The following ATE1 variants were observed in gnomAD, a reference collection of about 807,000 sequenced individuals.
The protein encoded by ATE1 is arginyltransferase 1, also known as arginyl-tRNA--protein transferase 1.
ATE1 carries 36 observed loss-of-function variants against 70.5 expected under a neutral mutation model. The ratio of observed to expected loss-of-function variants is 0.51; its 90% CI spans 0.39 to 0.67. The LOEUF (loss-of-function observed/expected upper bound fraction) is 0.67, where lower values mean the gene tolerates loss of function less well. Ranked by LOEUF, ATE1 falls within the 30% of genes least tolerant of loss-of-function variation. The pLI, the probability that ATE1 is intolerant of heterozygous loss-of-function variation, is 0.00. For missense variants in ATE1, 593 were observed against 629.5 expected, an observed-to-expected ratio of 0.94 and a Z score of 0.62; for synonymous variants, 232 against 219.3, an observed-to-expected ratio of 1.06 and a Z score of -0.51.
chr10:121,747,266 C>G (rs552819833), intron 11 of ATE1, among the ~76,000 whole-genome samples: 1 of 152,318 alleles, frequency 6.6e-6, no homozygotes, highest in African/African-American at 2.4e-5. Context: ...AGAGAAGGAA[C>G]TTCTCAATAT....
intron 10 of ATE1, among the ~76,000 whole-genome samples, chr10:121,831,022 A>G (rs1948214494): frequency 6.6e-6 from 1 of 152,186 alleles, no homozygotes; most frequent in South Asian, 2.1e-4. Flanking sequence ...GGACTTGGGA[A>G]TGAAACACTA....
In ATE1 at chr10:121,808,504, G is replaced by A. The variant is rs145979575; in HGVS notation, c.1258-18215C>T. Reference sequence around the variant, plus strand: ...GTGATTTAACTCTTCAGTGGCAACCGTGGAAGCATCTGAGCACACATTCTC... The same window carrying A: ...GTGATTTAACTCTTCAGTGGCAACCATGGAAGCATCTGAGCACACATTCTC... On this transcript the variant is annotated intron_variant, in intron 10 of 11. Coordinates refer to ENST00000224652, the MANE Select transcript of ATE1 (RefSeq NM_001001976.3). Among the ~76,000 whole-genome samples the A allele has an allele frequency of 2.6e-5, 4 of 152,302 alleles. No homozygotes were observed. In the East Asian group the frequency reaches 5.8e-4, roughly 22 times the overall value.
intron 8 of ATE1, among the ~76,000 whole-genome samples, chr10:121,857,478 A>T (rs1253549978): frequency 6.6e-6 from 1 of 152,156 alleles, no homozygotes; most frequent in Non-Finnish European, 1.5e-5. Context: ...CATGGTGTAT[A>T]TGTACTACAT....
rs199974954 is a variant in ATE1, at chr10:121,869,995, G to C, written c.975+11C>G. On this transcript the variant is annotated intron_variant, in intron 8 of 11. Transcript: ENST00000224652. ...CCAATTCTAATATTAAGGTCAGTGA[G>C]TAACTCTTACCTCCAAGGGTGAACT... is the stretch of plus-strand genomic sequence containing the variant. 2 of 1,600,418 alleles carry C rather than the reference G, an allele frequency of 1.2e-6. No individual in the cohort carries two copies. The highest frequency in any genetic ancestry group is 2.2e-5 in the East Asian group (1 of 44,732).
intron 3 of ATE1, among the ~76,000 whole-genome samples, chr10:121,917,822 T>C (rs966231573): frequency 1.3e-5 from 2 of 152,164 alleles, no homozygotes; most frequent in African/African-American, 4.8e-5. Context: ...TGACATTTAA[T>C]GAGCATGTGG....
At chr10:121,866,569 C>T (rs964373950) in intron 8 of ATE1, among the ~76,000 whole-genome samples, 14 of 152,036 alleles carry the variant, frequency 9.2e-5, no homozygotes, top group Admixed American at 5.9e-4. Context: ...TATTTGTGGC[C>T]GGGCGCAGTG....
In ATE1 at chr10:121,919,476, G is replaced by A. The variant is rs1446880047; in HGVS notation, c.233+2873C>T. On this transcript the variant is annotated intron_variant, in intron 3 of 11. Transcript: ENST00000224652. Reference sequence around the variant, plus strand: ...GTCGGGAGGCTGAGGCAGGAGAATCGCTTGAACACGGGAGGCAGAGGTTGC... The same window carrying A: ...GTCGGGAGGCTGAGGCAGGAGAATCACTTGAACACGGGAGGCAGAGGTTGC... Among the ~76,000 whole-genome samples, 8 of 152,024 alleles carry A rather than the reference G, an allele frequency of 5.3e-5. No individual in the cohort carries two copies. In the South Asian group the frequency reaches 8.3e-4, roughly 16 times the overall value.
chr10:121,874,333 G>A (rs1015966297), intron 7 of ATE1, among the ~76,000 whole-genome samples: 4 of 152,150 alleles, frequency 2.6e-5, no homozygotes, highest in African/African-American at 9.7e-5. Flanking sequence ...TTTATGTAAA[G>A]AATGTCTCTG....
intron 11 of ATE1, among the ~76,000 whole-genome samples, chr10:121,762,532 G>A (rs145389299): frequency 6.0e-3 from 918 of 152,202 alleles, no homozygotes; most frequent in South Asian, 0.016. Context: ...CCACCCCTGT[G>A]TCTGTGTGGA....
At chr10:121,839,968 G>A (rs1431312764) in intron 9 of ATE1, among the ~76,000 whole-genome samples, 3 of 152,180 alleles carry the variant, frequency 2.0e-5, no homozygotes, top group Non-Finnish European at 4.4e-5. Context: ...ACTGAGAGAT[G>A]AAAAGAGAAA....
rs1225993167 is a variant in ATE1 at position 121,835,477 on chromosome 10, A to G, written c.1257+1241T>C. Among the ~76,000 whole-genome samples the G allele has an allele frequency of 1.6e-5, 2 of 123,852 alleles. 1 individual carries two copies. Among genetic ancestry groups the G allele is most frequent in the Admixed American group, 2.0e-4 (2 of 10,086 alleles). 81.3% of individuals were successfully genotyped at this position (123,852 alleles called of 152,430 possible). ...GAATTATTCCTTTGTAAGAAAGAAA[A>G]AAGGCTGGGGGAGGGGGGTGGGGAT... On this transcript the variant is annotated intron_variant, in intron 10 of 11. Transcript: ENST00000224652.
intron 7 of ATE1, among the ~76,000 whole-genome samples, chr10:121,873,983 T>G (rs1949947986): frequency 6.6e-6 from 1 of 152,168 alleles, no homozygotes; most frequent in African/African-American, 2.4e-5. Context: ...TATCCAAAAT[T>G]TCCTCACATT....
At chr10:121,859,525 G>A (rs1439021291) in intron 8 of ATE1, among the ~76,000 whole-genome samples, 1 of 152,026 alleles carries the variant, frequency 6.6e-6, no homozygotes, top group Non-Finnish European at 1.5e-5. Flanking sequence ...CAAAGTGCTG[G>A]GATTACAGGC....
chr10:121,828,288 A>G (rs1192160319), intron 10 of ATE1, among the ~76,000 whole-genome samples: 1 of 152,182 alleles, frequency 6.6e-6, no homozygotes, highest in Non-Finnish European at 1.5e-5. Flanking sequence ...TACCTACACC[A>G]TGTGTTTCAG....
At chr10:121,744,744 G>A (rs1944280365) in intron 11 of ATE1, among the ~76,000 whole-genome samples, 1 of 152,106 alleles carries the variant, frequency 6.6e-6, no homozygotes, top group Middle Eastern at 3.2e-3. Flanking sequence ...ACCAGCCCCG[G>A]TTTTCTTCAG....
intron 11 of ATE1, among the ~76,000 whole-genome samples, chr10:121,751,263 T>C (rs1944567892): frequency 6.6e-6 from 1 of 152,274 alleles, no homozygotes; most frequent in South Asian, 2.1e-4. Flanking sequence ...AACAGCTTTA[T>C]TGTGATATAA....
At chr10:121,924,375 T>G in intron 1 of ATE1, 46 bp from the exon 2 acceptor site, 1 of 1,569,422 alleles carries the variant, frequency 6.4e-7, no homozygotes, top group African/African-American at 1.4e-5. Flanking sequence ...TAACCTTTTT[T>G]CTTTTTTAAA....
chr10:121,841,870 T>C (rs896961307), intron 8 of ATE1, among the ~76,000 whole-genome samples: 1 of 152,014 alleles, frequency 6.6e-6, no homozygotes, highest in Non-Finnish European at 1.5e-5. Flanking sequence ...ACTAAAGGAC[T>C]TACCCAAACA....
chr10:121,784,503 T>G (rs1021405929), intron 11 of ATE1, among the ~76,000 whole-genome samples: 2 of 152,190 alleles, frequency 1.3e-5, no homozygotes, highest in Non-Finnish European at 2.9e-5. Context: ...CCAAGAGTCA[T>G]GTTAGCACCA....
Sources: allele counts gnomAD v4.1 joint callset (sites outside exome capture counted in the v4.1 genomes callset), GRCh38; gene constraint gnomAD v4.1.1; transcripts MANE v1.5; gene names NCBI Gene and HGNC (gene_info 2026-07-23, HGNC 2026-07-21).